The following CALB2 variants were observed in gnomAD, a reference collection of about 807,000 sequenced individuals.
CALB2 encodes the protein calretinin.
A neutral mutation model predicts 45.9 loss-of-function variants in CALB2; 34 were observed. The ratio of observed to expected loss-of-function variants is 0.74; its 90% CI spans 0.56 to 0.99. The LOEUF (loss-of-function observed/expected upper bound fraction) is 0.99. Among genes scored for constraint, CALB2 ranks in the 50% least tolerant of loss-of-function variants. CALB2 has a pLI of 0.00. For synonymous variants in CALB2, 142 were observed against 129.6 expected (o/e 1.10, Z -0.65); for missense variants, 344 against 339.3 (o/e 1.01, Z -0.11).
At chr16:71,370,092 A>T (rs1297693910) in intron 1 of CALB2, among the ~76,000 whole-genome samples, 1 of 152,232 alleles carries the variant, frequency 6.6e-6, no homozygotes, top group Admixed American at 6.5e-5. Context: ...TCATTCTGCG[A>T]GCCCATTGCA....
intron 7 of CALB2, 76 bp downstream of exon 7, chr16:71,384,101 T>G: frequency 6.6e-7 from 1 of 1,519,164 alleles, no homozygotes; most frequent in Non-Finnish European, 9.1e-7. Flanking sequence ...CTGAGATCCA[T>G]TGGTGGGAAA....
chr16:71,389,755 A>G lies in CALB2; in HGVS notation c.706A>G (p.Asn236Asp). Residue 236 changes from asparagine (N) to aspartate (D), a missense_variant, in exon 11 of 11, where the codon AAT (asparagine) becomes GAT (aspartate). By Grantham distance (23) the Asn-to-Asp change is conservative. Coordinates refer to ENST00000302628, the MANE Select transcript of CALB2 (RefSeq NM_001740.5). The stretch of plus-strand genomic sequence containing the variant: ...CTCTCCCTGTATTTCCTAGGAAATG[A>G]ATATTCAACAGCTCACCAACTACAG... Reference protein sequence around the residue: ...DLYEKNKKEMNIQQLTNYRKS... With the variant: ...DLYEKNKKEMDIQQLTNYRKS... The G allele has an allele frequency of 1.9e-6, 3 of 1,613,198 alleles. No homozygotes were observed. The highest frequency in any genetic ancestry group is 2.5e-6 in the Non-Finnish European group (3 of 1,179,300).
intron 4 of CALB2, among the ~76,000 whole-genome samples, chr16:71,382,162 A>AGG (rs1567542446): frequency 0.011 from 710 of 62,160 alleles, 5 homozygotes; most frequent in African/African-American, 0.038. Flanking sequence ...GAAAGAAAAT[A>AGG]AAGGAAGGAA....
intron 10 of CALB2, among the ~76,000 whole-genome samples, chr16:71,388,346 A>AGAAAAAG (rs1555527410): frequency 8.0e-5 from 11 of 137,154 alleles, no homozygotes; most frequent in African/African-American, 2.6e-4. Context: ...AAAAAAAAAA[A>AGAAAAAG]AAAAAGAAAA....
chr16:71,365,168 C>T (rs1326970451), intron 1 of CALB2, among the ~76,000 whole-genome samples: 3 of 152,186 alleles, frequency 2.0e-5, no homozygotes, highest in Non-Finnish European at 2.9e-5. Flanking sequence ...TGTTTGCCTT[C>T]GATAAATCTG....
At chr16:71,363,018 T>G (rs6499509) in intron 1 of CALB2, among the ~76,000 whole-genome samples, 4 of 149,852 alleles carry the variant, frequency 2.7e-5, no homozygotes, top group South Asian at 4.3e-4. Context: ...CCCCTCCCCC[T>G]ACTACAAATT....
chr16:71,390,323 G>A lies in CALB2; in HGVS notation c.*458G>A, dbSNP rs191874321. 4.5e-4 allele frequency: 70 copies of A among 155,260 alleles called. No homozygotes were observed. In the East Asian group the frequency reaches 5.5e-3, roughly 12 times the overall value. 9.6% of individuals were successfully genotyped at this position (155,260 alleles called of 1,614,324 possible). A position where few individuals can be genotyped will look rare whatever the true frequency, so the allele number is the denominator to read the frequency against. Reference sequence around the variant, plus strand: ...GAACTCCTGTGTGTGGAAGGCACCCGCCCTTTCCTTGCCTTCTTTACTCGG... The same window carrying A: ...GAACTCCTGTGTGTGGAAGGCACCCACCCTTTCCTTGCCTTCTTTACTCGG... On this transcript the variant is annotated 3_prime_UTR_variant, in exon 11 of 11. Coordinates refer to ENST00000302628, the MANE Select transcript of CALB2 (RefSeq NM_001740.5).
chr16:71,358,769 G>A lies in CALB2; in HGVS notation c.-24G>A. The A allele has an allele frequency of 1.3e-6, 2 of 1,588,646 alleles. No individual in the cohort carries two copies. The highest frequency in any genetic ancestry group is 1.7e-6 in the Non-Finnish European group (2 of 1,166,062). On this transcript the variant is annotated 5_prime_UTR_variant, in exon 1 of 11. Coordinates refer to ENST00000302628, the MANE Select transcript of CALB2 (RefSeq NM_001740.5). ...CCGGCGCGGAGCGGGAGCGGTGCAGGCTGAGGTCTCCGAGCGGCTCGCCAT... is the reference window on the plus strand; with the variant it reads ...CCGGCGCGGAGCGGGAGCGGTGCAGACTGAGGTCTCCGAGCGGCTCGCCAT...
In CALB2 at chr16:71,389,847, C is replaced by T; in HGVS notation, c.798C>T (p.Cys266=). The T allele has an allele frequency of 1.9e-6, 3 of 1,613,176 alleles. No homozygotes were observed. Among genetic ancestry groups the T allele is most frequent in the Non-Finnish European group, 2.5e-6 (3 of 1,179,446 alleles). ...GCAAGGACCTGGAGATTGTGCTCTG[C>T]AGCGAGCCCCCCATGTAAAGTGGGG... ...LYRKDLEIVL[C]SEPPM The change falls in exon 11 of 11, where the codon TGC becomes TGT. Residue 266 remains cysteine (C), a synonymous_variant. Coordinates refer to ENST00000302628, the MANE Select transcript of CALB2 (RefSeq NM_001740.5).
Position 71,389,776 on chromosome 16 carries a change from T to C in CALB2, c.727T>C (p.Tyr243His). The C allele has an allele frequency of 6.2e-7, 1 of 1,613,978 alleles. No individual in the cohort carries two copies. The highest frequency in any genetic ancestry group is 2.2e-5 in the East Asian group (1 of 44,882). Reference sequence around the variant, plus strand: ...AATGAATATTCAACAGCTCACCAACTACAGAAAGAGCGTCATGTCCTTGGC... The same window carrying C: ...AATGAATATTCAACAGCTCACCAACCACAGAAAGAGCGTCATGTCCTTGGC... ...KEMNIQQLTNYRKSVMSLAEA... is the reference protein window; with the variant it reads ...KEMNIQQLTNHRKSVMSLAEA... Residue 243 changes from tyrosine to histidine, a missense_variant, in exon 11 of 11, where the codon TAC becomes CAC. Around this residue, in one of 3 missense-constraint regions of CALB2, gnomAD observed 263 missense variants for 241.7 expected, o/e 1.09. Transcript: ENST00000302628.
intron 5 of CALB2, 26 bp from the exon 6 acceptor site, chr16:71,383,341 T>C (rs1249160248): frequency 7.5e-6 from 12 of 1,604,828 alleles, no homozygotes; most frequent in Non-Finnish European, 1.0e-5. Flanking sequence ...GAGTCAGGAG[T>C]ACTAAAGAGG....
intron 9 of CALB2, 26 bp downstream of exon 9, chr16:71,384,862 G>A (rs773307132): frequency 3.7e-5 from 59 of 1,607,672 alleles, no homozygotes; most frequent in South Asian, 1.1e-4. Flanking sequence ...GGCATGGCAG[G>A]GAAAATCAGA....
intron 1 of CALB2, among the ~76,000 whole-genome samples, chr16:71,360,386 T>C (rs914720454): frequency 6.6e-6 from 1 of 152,178 alleles, no homozygotes; most frequent in Non-Finnish European, 1.5e-5. Flanking sequence ...AGTGGGTAGA[T>C]TGTTAAATCT....
intron 1 of CALB2, among the ~76,000 whole-genome samples, chr16:71,361,122 CG>C (rs1421604303): frequency 6.6e-6 from 1 of 152,156 alleles, no homozygotes; most frequent in Non-Finnish European, 1.5e-5. Flanking sequence ...CCTCCTGCTC[CG>C]GGGTGAAGGG....
chr16:71,387,388 TGA>T (rs1299435828), intron 10 of CALB2, among the ~76,000 whole-genome samples: 1 of 151,918 alleles, frequency 6.6e-6, no homozygotes, highest in Admixed American at 6.6e-5. Context: ...GCCTGAGGAT[TGA>T]GAGAGTGAAT....
At chr16:71,374,196 C>A (rs2042384134) in intron 2 of CALB2, among the ~76,000 whole-genome samples, 1 of 152,198 alleles carries the variant, frequency 6.6e-6, no homozygotes, top group African/African-American at 2.4e-5. Flanking sequence ...ATTGGGTGGA[C>A]TGTTTAAATT....
chr16:71,376,518 TCCACATACAA>T (rs1567539426), intron 3 of CALB2, among the ~76,000 whole-genome samples: 2 of 149,850 alleles, frequency 1.3e-5, no homozygotes, highest in African/African-American at 2.5e-5. Context: ...CCCACATACA[TCCACATACAA>T]CCACATGCAT....
At chr16:71,366,333 T>TC (rs2042287917) in intron 1 of CALB2, among the ~76,000 whole-genome samples, 1 of 42,882 alleles carries the variant, frequency 2.3e-5, no homozygotes, top group Non-Finnish European at 4.2e-5. Flanking sequence ...CCTTTTTTTT[T>TC]TTTTTTTTTT....
intron 3 of CALB2, among the ~76,000 whole-genome samples, chr16:71,375,703 C>T (rs1225028707): frequency 6.6e-6 from 1 of 152,214 alleles, no homozygotes; most frequent in East Asian, 1.9e-4. Flanking sequence ...AGAAGGGCAG[C>T]AGGAAAAGGC....
Sources: allele counts gnomAD v4.1 joint callset (sites outside exome capture counted in the v4.1 genomes callset), GRCh38; gene constraint gnomAD v4.1.1; regional missense constraint gnomAD v4.1.1; transcripts MANE v1.5; gene names NCBI Gene and HGNC (gene_info 2026-07-23, HGNC 2026-07-21).